Variants in LILRB2 observed in about 807,000 individuals in gnomAD.
LILRB2 encodes leukocyte immunoglobulin-like receptor subfamily B member 2.
In LILRB2, 47 loss-of-function variants were observed where a neutral mutation model predicts 72.7. The ratio of observed to expected loss-of-function variants is 0.65; its 90% CI spans 0.51 to 0.82. The LOEUF (loss-of-function observed/expected upper bound fraction) is 0.82. Among genes scored for constraint, LILRB2 ranks in the 40% least tolerant of loss-of-function variants. The probability of loss-of-function intolerance (pLI) is 0.00; values close to 1 mark genes in which losing one functional copy is unlikely to be tolerated. For synonymous variants in LILRB2, 279 were observed against 313.7 expected, an observed-to-expected ratio of 0.89 and a Z score of 1.17; for missense variants, 767 against 764.8, an observed-to-expected ratio of 1.00 and a Z score of -0.03.
rs753943412 is a variant in LILRB2, at chr19:54,276,897, T to C, written c.1390A>G (p.Ile464Val). 2.7e-5 allele frequency: 44 copies of C among 1,613,470 alleles called. No homozygotes were observed. Among genetic ancestry groups the C allele is most frequent in the Admixed American group, 5.0e-5 (3 of 59,946 alleles). ...LGRHLGVVIG[I>V]LVAVVLLLLL... ...AGCAGTAGGACGACGGCCACCAAGA[T>C]GCCGATCACAACCCCCAGGTGCCTT... The change falls in exon 10 of 14, where the codon ATC becomes GTC. Residue 464 changes from isoleucine to valine, a missense_variant. Around this residue, in one of 3 missense-constraint regions of LILRB2, gnomAD observed 162 missense variants for 176.7 expected, o/e 0.92. Transcript: ENST00000314446.
rs1476091026 is a variant in LILRB2 at position 54,274,554 on chromosome 19, A to G, written c.*129T>C. The G allele has an allele frequency of 5.1e-5, 77 of 1,506,318 alleles. No individual in the cohort carries two copies. Among genetic ancestry groups the G allele is most frequent in the Middle Eastern group, 1.8e-4 (1 of 5,594 alleles). The allele number at this position is 1,506,318 out of a possible 1,614,324, so 93.3% of individuals were successfully genotyped here. A position where few individuals can be genotyped will look rare whatever the true frequency, so the allele number is the denominator to read the frequency against. On this transcript the variant is annotated 3_prime_UTR_variant, in exon 14 of 14. Coordinates refer to ENST00000314446, the MANE Select transcript of LILRB2 (RefSeq NM_001080978.4). ...TCAAGTGAGTCCCAAAGTTCCCAGCATCTCCTCATGGTCTTTGTTAGGGGT... is the reference window on the plus strand; with the variant it reads ...TCAAGTGAGTCCCAAAGTTCCCAGCGTCTCCTCATGGTCTTTGTTAGGGGT...
Position 54,277,573 on chromosome 19 carries a change from G to C in LILRB2, c.1334C>G (p.Pro445Arg), listed in dbSNP as rs756686011. The C allele has an allele frequency of 1.6e-5, 25 of 1,576,924 alleles. No individual in the cohort carries two copies. The East Asian group carries it at 1.8e-4, about 12-fold the overall frequency. Reference sequence around the variant, plus strand: ...ACCACTTTGGGGATCCGACCCAGTGGGGGTGAGGGGCTGGTCCTCAGGGCC... The same window carrying C: ...ACCACTTTGGGGATCCGACCCAGTGCGGGTGAGGGGCTGGTCCTCAGGGCC... ...TPGPEDQPLT[P>R]TGSDPQSGLG... The change falls in exon 9 of 14, where the codon CCC becomes CGC. Residue 445 changes from proline to arginine, a missense_variant. Pro to Arg is a moderately radical substitution (Grantham distance 103, BLOSUM62 -2). This residue lies in a region of LILRB2 where 6 missense variants were observed against 19.9 expected (regional missense o/e 0.30). Coordinates refer to ENST00000314446, the MANE Select transcript of LILRB2 (RefSeq NM_001080978.4).
rs1423399435 is a variant in LILRB2, at chr19:54,278,372, G to A, written c.1146C>T (p.Pro382=). ...HEYPKYQAEF[P]MSPVTSAHAG... is the part of the protein sequence containing the mutation. ...CGTGGGCTGAGGTCACAGGACTCAT[G>A]GGGAATTCAGCCTGGTACTTAGGAT... Residue 382 remains proline, a synonymous_variant, in exon 7 of 14, where the codon CCC becomes CCT. Transcript: ENST00000314446. 3.1e-6 allele frequency: 5 copies of A among 1,614,200 alleles called. No homozygotes were observed. The highest frequency in any genetic ancestry group is 1.1e-5 in the South Asian group (1 of 91,092).
Position 54,280,016 on chromosome 19 carries a change from G to C in LILRB2, c.130C>G (p.Pro44Ala). 1 of 1,614,148 alleles carries C rather than the reference G, an allele frequency of 6.2e-7. No homozygotes were observed. The highest frequency in any genetic ancestry group is 8.5e-7 in the Non-Finnish European group (1 of 1,179,988). The change falls in exon 4 of 14, where the codon CCC (proline) becomes GCC (alanine). Residue 44 changes from proline to alanine, a missense_variant. Physicochemically the swap from Pro to Ala is conservative, Grantham distance 27. Around this residue, in one of 3 missense-constraint regions of LILRB2, gnomAD observed 599 missense variants for 568.2 expected, o/e 1.05. Coordinates refer to ENST00000314446, the MANE Select transcript of LILRB2 (RefSeq NM_001080978.4). ...EPDSVITQGS[P>A]VTLSCQGSLE... ...CTCCCCTGACAACTGAGGGTGACGG[G>C]ACTCCCCTGGGTGATCACAGAGTCT...
In LILRB2 at chr19:54,274,475, A is replaced by T; in HGVS notation, c.*208T>A. The T allele has an allele frequency of 1.1e-6, 1 of 881,516 alleles. No individual in the cohort carries two copies. The highest frequency in any genetic ancestry group is 1.7e-6 in the Non-Finnish European group (1 of 597,020). The allele number at this position is 881,516 out of a possible 1,614,324, so 54.6% of individuals were successfully genotyped here. ...TCGGTTAACTCATTGATTATTGAGA[A>T]GTCTGTTGCTTTAATTAAAAAATGT... On this transcript the variant is annotated 3_prime_UTR_variant, in exon 14 of 14. Transcript: ENST00000314446.
At chr19:54,280,328 G>T (rs1569111825) in intron 2 of LILRB2, 29 bp from the exon 3 acceptor site, 3 of 1,540,188 alleles carry the variant, frequency 1.9e-6, no homozygotes, top group Non-Finnish European at 1.7e-6. Flanking sequence ...TGAGGGATTT[G>T]CCCCCTGAAG....
chr19:54,275,969 C>T lies in LILRB2; in HGVS notation c.1629G>A (p.Gly543=), dbSNP rs2080200035. The change falls in exon 13 of 14, where the codon GGG becomes GGA. Residue 543 remains glycine (G), a synonymous_variant. Coordinates refer to ENST00000314446, the MANE Select transcript of LILRB2 (RefSeq NM_001080978.4). ...AAVKDTQPED[G]VEMDTRAAAS... ...GTCTCACCCGAGTGTCCATCTCCACCCCATCTTCAGGCTGTGTGTCCTTCA... is the reference window on the plus strand; with the variant it reads ...GTCTCACCCGAGTGTCCATCTCCACTCCATCTTCAGGCTGTGTGTCCTTCA... The T allele has an allele frequency of 6.2e-7, 1 of 1,614,044 alleles. No homozygotes were observed. Among genetic ancestry groups the T allele is most frequent in the Admixed American group, 1.7e-5 (1 of 60,016 alleles).
At position 54,279,931 on chromosome 19, in the gene LILRB2, C is replaced by T. The variant is rs781553478; in HGVS notation, c.215G>A (p.Arg72Gln). 73 of 1,613,956 alleles carry T rather than the reference C, an allele frequency of 4.5e-5. No individual in the cohort carries two copies. The highest frequency in any genetic ancestry group is 1.9e-4 in the South Asian group (17 of 91,086). The change falls in exon 4 of 14, where the codon CGG becomes CAG. Residue 72 changes from arginine (R) to glutamine (Q), a missense_variant. This residue lies in a region of LILRB2 where 599 missense variants were observed against 568.2 expected (regional missense o/e 1.05). Transcript: ENST00000314446. ...REKKSASWIT[R>Q]IRPELVKNGQ... ...GTTCTTCACAAGCTCTGGTCGTATCCGTGTAATCCAAGATGCTGATTTTTT... is the reference window on the plus strand; with the variant it reads ...GTTCTTCACAAGCTCTGGTCGTATCTGTGTAATCCAAGATGCTGATTTTTT...
chr19:54,275,709 G>T (rs373253508), intron 13 of LILRB2: 246 of 650,046 alleles, frequency 3.8e-4, no homozygotes, highest in Middle Eastern at 1.6e-3. Flanking sequence ...CCTGGGGAGC[G>T]CTCTAACAAC....
At position 54,274,629 on chromosome 19, in the gene LILRB2, T is replaced by C; in HGVS notation, c.*54A>G. 4 of 1,613,144 alleles carry C rather than the reference T, an allele frequency of 2.5e-6. No homozygotes were observed. The highest frequency in any genetic ancestry group is 3.4e-6 in the Non-Finnish European group (4 of 1,179,304). The stretch of plus-strand genomic sequence containing the variant: ...GTCCACTGGGGGCAGCTCCCGTGCC[T>C]TCAGCAGTCCTGAGTCTCCTTCTAC... On this transcript the variant is annotated 3_prime_UTR_variant, in exon 14 of 14. Coordinates refer to ENST00000314446, the MANE Select transcript of LILRB2 (RefSeq NM_001080978.4).
chr19:54,279,407 T>A lies in LILRB2; in HGVS notation c.596A>T (p.Tyr199Phe). ...NRRWSHRCYGYDLNSPYVWSS... is the reference protein window; with the variant it reads ...NRRWSHRCYGFDLNSPYVWSS... Reference sequence around the variant, plus strand: ...CCACACATAGGGAGAGTTCAAGTCATAACCATAGCACCTGTGCGACCACCT... The same window carrying A: ...CCACACATAGGGAGAGTTCAAGTCAAAACCATAGCACCTGTGCGACCACCT... Residue 199 changes from tyrosine to phenylalanine, a missense_variant, in exon 5 of 14, where the codon TAT becomes TTT. Physicochemically the swap from Tyr to Phe is conservative, Grantham distance 22 (BLOSUM62 3). This residue lies in a region of LILRB2 where 599 missense variants were observed against 568.2 expected (regional missense o/e 1.05). Transcript: ENST00000314446. 6.2e-7 allele frequency: 1 copy of A among 1,614,084 alleles called. No individual in the cohort carries two copies. Among genetic ancestry groups the A allele is most frequent in the Non-Finnish European group, 8.5e-7 (1 of 1,180,012 alleles).
At chr19:54,274,940 G>C in intron 13 of LILRB2, 111 bp from the exon 14 acceptor site, 1 of 1,610,750 alleles carries the variant, frequency 6.2e-7, no homozygotes, top group African/African-American at 1.3e-5. Context: ...TCTTCTGCCT[G>C]TCTGTCCTTT....
At chr19:54,278,229 A>C (rs1397280354) in intron 7 of LILRB2, 31 bp downstream of exon 7, 1 of 1,612,260 alleles carries the variant, frequency 6.2e-7, no homozygotes, top group Non-Finnish European at 8.5e-7. Flanking sequence ...TGAGCCTTTG[A>C]GCTCAGAGAG....
At chr19:54,279,728 A>G (rs1407241741) in intron 4 of LILRB2, 63 bp downstream of exon 4, 21 of 1,606,944 alleles carry the variant, frequency 1.3e-5, no homozygotes, top group Non-Finnish European at 3.4e-6. Flanking sequence ...AGAGGGAGAC[A>G]CCCCTGAGAG....
intron 3 of LILRB2, 82 bp from the exon 4 acceptor site, chr19:54,280,157 C>A: frequency 1.2e-6 from 2 of 1,609,112 alleles, no homozygotes; most frequent in Non-Finnish European, 1.7e-6. Context: ...CTCCAGATGC[C>A]CCCATCAGTC....
Position 54,279,562 on chromosome 19 carries a change from CTG to C in LILRB2, c.439_440del (p.Gln147GlyfsTer10), listed in dbSNP as rs1399923164. The C allele has an allele frequency of 3.7e-6, 6 of 1,613,922 alleles. No homozygotes were observed. The stretch of plus-strand genomic sequence containing the variant: ...ACAGAATGAAGCCGCCAAATGCCAC[CTG>C]TGACTCACACTGGAGGGTCACCCTT... ...GGRVTLQCES[Q>X]VAFGGFILCK... On this transcript the variant is annotated frameshift_variant, in exon 5 of 14. Coordinates refer to ENST00000314446, the MANE Select transcript of LILRB2 (RefSeq NM_001080978.4). LOFTEE classifies it high-confidence loss of function.
chr19:54,280,560 C>T lies in LILRB2; in HGVS notation c.-48-16G>A, dbSNP rs2147794364. 1 of 1,613,130 alleles carries T rather than the reference C, an allele frequency of 6.2e-7. No homozygotes were observed. Among genetic ancestry groups the T allele is most frequent in the Non-Finnish European group, 8.5e-7 (1 of 1,179,436 alleles). On this transcript the variant is annotated splice_polypyrimidine_tract_variant and intron_variant, in intron 1 of 13. Transcript: ENST00000314446. ...GCCCTCGGTGCTGGCGGGACAGAGA[C>T]ACACAGAGAGAAATAGCCTCCCCTC...
chr19:54,277,633 T>G (rs2080303573), intron 8 of LILRB2, 36 bp from the exon 9 acceptor site: 2 of 1,548,752 alleles, frequency 1.3e-6, no homozygotes, highest in South Asian at 2.4e-5. Context: ...GGGCTGGGGC[T>G]GCCCTGCTCC....
chr19:54,276,076 C>T (rs1199044472), intron 12 of LILRB2, 73 bp from the exon 13 acceptor site: 12 of 1,589,490 alleles, frequency 7.5e-6, no homozygotes, highest in African/African-American at 2.7e-5. Context: ...CAGCCCCTGC[C>T]CTGCTCCCAG....
Sources: allele counts gnomAD v4.1 joint callset, GRCh38; gene constraint gnomAD v4.1.1; regional missense constraint gnomAD v4.1.1; transcripts MANE v1.5; gene names NCBI Gene and HGNC (gene_info 2026-07-23, HGNC 2026-07-21).